Variants in ZNF607 observed in about 807,000 individuals in gnomAD.
The protein encoded by ZNF607 is zinc finger protein 607.
Under a neutral mutation model 12.8 loss-of-function variants are expected in ZNF607, and 5 were observed. That is an observed-to-expected ratio of 0.39 (90% confidence interval 0.20 to 0.82). The LOEUF (loss-of-function observed/expected upper bound fraction) is 0.82. ZNF607 is among the 40% of genes least tolerant of loss of function. The pLI is 0.39. For missense variants in ZNF607, 851 were observed against 859.2 expected (o/e 0.99, Z 0.12); for synonymous variants, 287 against 276.2 (o/e 1.04, Z -0.39).
intron 3 of ZNF607, 103 bp downstream of exon 3, chr19:37,709,593 G>T (rs9973223): frequency 2.8e-5 from 37 of 1,329,890 alleles, no homozygotes; most frequent in Non-Finnish European, 3.1e-5. Flanking sequence ...AATAAATTTA[G>T]TTTCTTAAAA....
Position 37,696,538 on chromosome 19 carries a change from G to T in ZNF607, c.*1502C>A. The T allele has an allele frequency of 2.3e-6, 1 of 438,974 alleles. No individual in the cohort carries two copies. Among genetic ancestry groups the T allele is most frequent in the Non-Finnish European group, 4.2e-6 (1 of 240,378 alleles). The allele number at this position is 438,974 out of a possible 1,614,324, so 27.2% of individuals were successfully genotyped here. ...AATCATGAAATTTCAGTGATTTCTG[G>T]GGTGAGGGCGAAAGGTGGTGTTACG... On this transcript the variant is annotated 3_prime_UTR_variant, in exon 5 of 5. Transcript: ENST00000355202.
At position 37,698,129 on chromosome 19, in the gene ZNF607, T is replaced by A; in HGVS notation, c.2002A>T (p.Thr668Ser). ...TTACATTTAAAGGGTTTCTCACCAG[T>A]ATGAACTCTATGATGTATACTAAGT... ...HELSIHHRVH[T>S]GEKPFKCNKC... is the part of the protein sequence containing the mutation. Residue 668 changes from threonine to serine, a missense_variant, in exon 5 of 5, where the codon ACT (threonine) becomes TCT (serine). Coordinates refer to ENST00000355202, the MANE Select transcript of ZNF607 (RefSeq NM_032689.5). 1 of 1,614,134 alleles carries A rather than the reference T, an allele frequency of 6.2e-7. No individual in the cohort carries two copies. The highest frequency in any genetic ancestry group is 1.1e-5 in the South Asian group (1 of 91,080).
intron 2 of ZNF607, among the ~76,000 whole-genome samples, chr19:37,710,925 G>A (rs182316444): frequency 2.2e-4 from 34 of 152,244 alleles, no homozygotes; most frequent in South Asian, 4.1e-4. Context: ...TCTGACTCAC[G>A]CATCTGACTC....
At chr19:37,705,685 CA>C (rs978057659) in intron 4 of ZNF607, among the ~76,000 whole-genome samples, 383 of 52,674 alleles carry the variant, frequency 7.3e-3, no homozygotes, top group South Asian at 0.031. Context: ...ACTCTCTCTC[CA>C]AAAAAAAAAA....
At chr19:37,713,163 T>A (rs2045145957) in intron 1 of ZNF607, among the ~76,000 whole-genome samples, 1 of 151,962 alleles carries the variant, frequency 6.6e-6, no homozygotes, top group African/African-American at 2.4e-5. Context: ...TCACCATACA[T>A]AGCCCATAGA....
intron 2 of ZNF607, among the ~76,000 whole-genome samples, chr19:37,710,130 G>A (rs2045120599): frequency 6.6e-6 from 1 of 151,528 alleles, no homozygotes; most frequent in African/African-American, 2.4e-5. Flanking sequence ...ACTCCAGCCT[G>A]GGCAATAGAG....
In ZNF607 at chr19:37,707,979, G is replaced by T. The variant is rs774767957; in HGVS notation, c.170C>A (p.Thr57Asn). 1.2e-6 allele frequency: 2 copies of T among 1,613,792 alleles called. No individual in the cohort carries two copies. The highest frequency in any genetic ancestry group is 2.7e-5 in the African/African-American group (2 of 74,864). Residue 57 changes from threonine to asparagine, a missense_variant, in exon 4 of 5, where the codon ACC becomes AAC. By Grantham distance (65) the Thr-to-Asn change is moderately conservative. Coordinates refer to ENST00000355202, the MANE Select transcript of ZNF607 (RefSeq NM_032689.5). ...GHSVSKPDLI[T>N]LLEQGKEPWM... Reference sequence around the variant, plus strand: ...TGGCTCTTTTCCTTGCTCCAATAAGGTGATTAAATCTGGCTTAGATACGGA... The same window carrying T: ...TGGCTCTTTTCCTTGCTCCAATAAGTTGATTAAATCTGGCTTAGATACGGA...
Position 37,718,336 on chromosome 19 carries a change from A to G in ZNF607, c.-75+933T>C, listed in dbSNP as rs76481122. 7.8e-4 allele frequency among the ~76,000 whole-genome samples: 118 copies of G among 152,254 alleles called. No homozygotes were observed. The East Asian group carries it at 0.02, about 25-fold the overall frequency. On this transcript the variant is annotated intron_variant, in intron 1 of 4. Coordinates refer to ENST00000355202, the MANE Select transcript of ZNF607 (RefSeq NM_032689.5). ...AGAAATCCAAAACGGAATATCCAAAATTGCCTCATAATACTTAGCGCTTAT... is the reference window on the plus strand; with the variant it reads ...AGAAATCCAAAACGGAATATCCAAAGTTGCCTCATAATACTTAGCGCTTAT...
intron 4 of ZNF607, 129 bp from the exon 5 acceptor site, chr19:37,700,024 G>C: frequency 1.1e-6 from 1 of 914,640 alleles, no homozygotes; most frequent in Non-Finnish European, 1.6e-6. Context: ...AAAAATGAAA[G>C]GAGAGCTAAA....
chr19:37,713,265 C>G (rs1178173822), intron 1 of ZNF607, among the ~76,000 whole-genome samples: 1 of 151,972 alleles, frequency 6.6e-6, no homozygotes, highest in Non-Finnish European at 1.5e-5. Flanking sequence ...CTAAATCTCT[C>G]CAAACAGACT....
chr19:37,705,334 A>T (rs1253934327), intron 4 of ZNF607, among the ~76,000 whole-genome samples: 1 of 152,212 alleles, frequency 6.6e-6, no homozygotes, highest in Non-Finnish European at 1.5e-5. Flanking sequence ...TTGACCAAGA[A>T]GTAGATAAAG....
At chr19:37,702,868 T>G (rs773405699) in intron 4 of ZNF607, among the ~76,000 whole-genome samples, 3 of 152,270 alleles carry the variant, frequency 2.0e-5, no homozygotes, top group Non-Finnish European at 2.9e-5. Flanking sequence ...TTGTATACTA[T>G]AATACCTATA....
Position 37,698,212 on chromosome 19 carries a change from G to T in ZNF607, c.1919C>A (p.Ala640Asp). 2 of 1,614,162 alleles carry T rather than the reference G, an allele frequency of 1.2e-6. No individual in the cohort carries two copies. The highest frequency in any genetic ancestry group is 1.7e-6 in the Non-Finnish European group (2 of 1,180,038). Residue 640 changes from alanine to aspartate, a missense_variant, in exon 5 of 5, where the codon GCT (alanine) becomes GAT (aspartate). Ala to Asp is a moderately radical substitution (Grantham distance 126). Transcript: ENST00000355202. ...TTCACACATATAGGGATTTCCATCAGCATGAACGCTTTCATGTCTAACAAG... is the reference window on the plus strand; with the variant it reads ...TTCACACATATAGGGATTTCCATCATCATGAACGCTTTCATGTCTAACAAG... ...SYLVRHESVH[A>D]DGNPYMCEEC...
intron 1 of ZNF607, among the ~76,000 whole-genome samples, chr19:37,713,346 A>T (rs928706994): frequency 6.6e-6 from 1 of 152,102 alleles, no homozygotes; most frequent in Admixed American, 6.6e-5. Context: ...AAAGTATTTC[A>T]GAGGAAGCAA....
In ZNF607 at chr19:37,698,563, T is replaced by C; in HGVS notation, c.1568A>G (p.His523Arg). 1 of 1,612,148 alleles carries C rather than the reference T, an allele frequency of 6.2e-7. No homozygotes were observed. The highest frequency in any genetic ancestry group is 8.5e-7 in the Non-Finnish European group (1 of 1,178,298). The change falls in exon 5 of 5, where the codon CAT becomes CGT. Residue 523 changes from histidine to arginine, a missense_variant. Coordinates refer to ENST00000355202, the MANE Select transcript of ZNF607 (RefSeq NM_032689.5). Reference sequence around the variant, plus strand: ...TTTCTTACCACTGTGAATACTCAGATGCTGAGTAAGTTGTCCAGATACACT... The same window carrying C: ...TTTCTTACCACTGTGAATACTCAGACGCTGAGTAAGTTGTCCAGATACACT... ...AFSVSGQLTQ[H>R]LSIHSGKKPF...
Position 37,698,652 on chromosome 19 carries a change from A to G in ZNF607, c.1479T>C (p.Thr493=), listed in dbSNP as rs2045003798. The change falls in exon 5 of 5, where the codon ACT becomes ACC. Residue 493 remains threonine, a synonymous_variant. Coordinates refer to ENST00000355202, the MANE Select transcript of ZNF607 (RefSeq NM_032689.5). ...GKGFSYSHKL[T]IHRRVHTGEK... ...CACCAGTATGAACTCTGCGATGTAT[A>G]GTGAGTTTATGGCTATAACTAAAAC... is the stretch of plus-strand genomic sequence containing the variant. 1 of 1,613,060 alleles carries G rather than the reference A, an allele frequency of 6.2e-7. No individual in the cohort carries two copies.
At chr19:37,705,265 T>A (rs902895177) in intron 4 of ZNF607, among the ~76,000 whole-genome samples, 1 of 152,160 alleles carries the variant, frequency 6.6e-6, no homozygotes, top group Non-Finnish European at 1.5e-5. Flanking sequence ...CCCATGCCAA[T>A]CAATTTGACA....
rs750682513 is a variant in ZNF607 at position 37,707,988 on chromosome 19, T to A, written c.161A>T (p.Asp54Val). 3.8e-5 allele frequency: 62 copies of A among 1,613,938 alleles called. No individual in the cohort carries two copies. Among genetic ancestry groups the A allele is most frequent in the Non-Finnish European group, 5.3e-5 (62 of 1,179,948 alleles). ...TCCTTGCTCCAATAAGGTGATTAAA[T>A]CTGGCTTAGATACGGAATGTCCTGC... ...SLAGHSVSKP[D>V]LITLLEQGKE... Residue 54 changes from aspartate to valine, a missense_variant, in exon 4 of 5, where the codon GAT becomes GTT. Physicochemically the swap from Asp to Val is radical, Grantham distance 152 (BLOSUM62 -3). Transcript: ENST00000355202.
At position 37,698,859 on chromosome 19, in the gene ZNF607, CT is replaced by C; in HGVS notation, c.1271del (p.Lys424ArgfsTer101). 6.2e-7 allele frequency: 1 copy of C among 1,613,936 alleles called. No individual in the cohort carries two copies. Among genetic ancestry groups the C allele is most frequent in the Non-Finnish European group, 8.5e-7 (1 of 1,179,940 alleles). Reference protein sequence around the residue: ...IHTGEKPYKCKECGKAFSQRA... With the variant: ...IHTGEKPYKCXECGKAFSQRA... ...GCTGACTGAAGGCCTTCCCACATTC[CT>C]TACATTTGTAGGGTTTCTCACCGGT... On this transcript the variant is annotated frameshift_variant, in exon 5 of 5. Transcript: ENST00000355202. LOFTEE classifies it low-confidence loss of function (END_TRUNC).
Sources: gnomAD v4.1 joint callset for allele counts (sites outside exome capture counted in the v4.1 genomes callset) on GRCh38, gnomAD v4.1.1 for gene constraint, MANE v1.5 for transcripts, NCBI Gene and HGNC (gene_info 2026-07-23, HGNC 2026-07-21) for gene names.